The following APAF1 variants were observed in gnomAD, a reference collection of about 807,000 sequenced individuals.
APAF1 encodes apoptotic peptidase activating factor 1.
In APAF1, 91 loss-of-function variants were observed where a neutral mutation model predicts 152.4. That is an observed-to-expected ratio of 0.60 (90% confidence interval 0.50 to 0.71). APAF1 has a LOEUF of 0.71. Ranked by LOEUF, APAF1 falls within the 30% of genes least tolerant of loss-of-function variation. The pLI is 0.00. For missense variants in APAF1, 1,283 were observed against 1,472.0 expected, an observed-to-expected ratio of 0.87 and a Z score of 2.10; for synonymous variants, 484 against 494.1, an observed-to-expected ratio of 0.98 and a Z score of 0.27.
At chr12:98,677,133 TTAAC>T (rs113090746) in intron 12 of APAF1, among the ~76,000 whole-genome samples, 1 of 152,352 alleles carries the variant, frequency 6.6e-6, no homozygotes, top group African/African-American at 2.4e-5. Context: ...GACATGTTGA[TTAAC>T]TAGATTTGAT....
intron 26 of APAF1, among the ~76,000 whole-genome samples, chr12:98,729,609 T>G (rs1016228752): frequency 2.6e-5 from 4 of 152,238 alleles, no homozygotes; most frequent in Non-Finnish European, 5.9e-5. Flanking sequence ...GCTGATCACT[T>G]GGACATTCTG....
Position 98,727,158 on chromosome 12 carries a change from A to G in APAF1, c.3457-15A>G, listed in dbSNP as rs768015266. 4.3e-6 allele frequency: 7 copies of G among 1,613,640 alleles called. No homozygotes were observed. Among genetic ancestry groups the G allele is most frequent in the Non-Finnish European group, 5.1e-6 (6 of 1,179,640 alleles). The stretch of plus-strand genomic sequence containing the variant: ...GGATAACTCTGTTAATGAATTGTGT[A>G]TCATGTTTATGTAGATATGGAATGT... On this transcript the variant is annotated splice_polypyrimidine_tract_variant and intron_variant, in intron 25 of 26. Transcript: ENST00000551964.
At chr12:98,689,749 C>T (rs1192043300) in intron 16 of APAF1, among the ~76,000 whole-genome samples, 1 of 152,146 alleles carries the variant, frequency 6.6e-6, no homozygotes, top group Non-Finnish European at 1.5e-5. Flanking sequence ...TGAGCCACCA[C>T]ACCTGGACTG....
intron 14 of APAF1, among the ~76,000 whole-genome samples, chr12:98,681,491 A>G (rs2097692180): frequency 6.6e-6 from 1 of 152,204 alleles, no homozygotes; most frequent in African/African-American, 2.4e-5. Context: ...TATATGGAAG[A>G]CAGACCTTAC....
chr12:98,715,624 A>T, intron 22 of APAF1, 72 bp downstream of exon 22: 2 of 1,552,148 alleles, frequency 1.3e-6, no homozygotes, highest in Non-Finnish European at 1.8e-6. Context: ...TTATGCCTAA[A>T]ATCTGGTGTA....
intron 18 of APAF1, among the ~76,000 whole-genome samples, chr12:98,705,439 C>T (rs1245518612): frequency 6.6e-6 from 1 of 152,196 alleles, no homozygotes; most frequent in East Asian, 1.9e-4. Context: ...CCAGCTTGGA[C>T]TCTTAGAGAT....
At chr12:98,647,113 A>G (rs770027864) in intron 1 of APAF1, among the ~76,000 whole-genome samples, 5 of 151,794 alleles carry the variant, frequency 3.3e-5, no homozygotes, top group African/African-American at 4.8e-5. Context: ...AATGTGTGCT[A>G]AAAAAAATTG....
At chr12:98,658,809 T>C (rs780565840) in intron 4 of APAF1, among the ~76,000 whole-genome samples, 3 of 152,176 alleles carry the variant, frequency 2.0e-5, no homozygotes, top group Non-Finnish European at 2.9e-5. Context: ...GACAGTCCCT[T>C]ACAACAAAGA....
chr12:98,648,194 T>G, intron 1 of APAF1, 125 bp from the exon 2 acceptor site: 2 of 838,986 alleles, frequency 2.4e-6, no homozygotes, highest in Non-Finnish European at 1.9e-6. Flanking sequence ...TTTTGTCCAT[T>G]TAAAAATTTT....
intron 8 of APAF1, 150 bp downstream of exon 8, chr12:98,665,941 A>T: frequency 1.3e-6 from 1 of 781,058 alleles, no homozygotes; most frequent in Admixed American, 2.2e-5. Flanking sequence ...CTCTGCTGTT[A>T]GCTTCCATTA....
chr12:98,660,457 G>T (rs2097663642), intron 5 of APAF1, among the ~76,000 whole-genome samples: 2 of 152,186 alleles, frequency 1.3e-5, no homozygotes. Flanking sequence ...TCAGGAGTGA[G>T]TTTGTTTTGT....
intron 22 of APAF1, among the ~76,000 whole-genome samples, chr12:98,718,487 C>T (rs1236852191): frequency 6.6e-6 from 1 of 152,094 alleles, no homozygotes; most frequent in Non-Finnish European, 1.5e-5. Context: ...TCACCTTGGC[C>T]TCCCAAAGTG....
intron 1 of APAF1, among the ~76,000 whole-genome samples, chr12:98,646,049 C>T (rs1419430648): frequency 6.6e-6 from 1 of 152,312 alleles, no homozygotes; most frequent in East Asian, 1.9e-4. Context: ...AGAGTTTTGG[C>T]TTTCCATTTT....
At chr12:98,660,247 A>G (rs974264396) in intron 5 of APAF1, among the ~76,000 whole-genome samples, 2 of 152,020 alleles carry the variant, frequency 1.3e-5, no homozygotes, top group Non-Finnish European at 2.9e-5. Flanking sequence ...TCAGGAGGCT[A>G]AGGTGGGAGG....
rs757675000 is a variant in APAF1 at position 98,683,228 on chromosome 12, G to A, written c.2132G>A (p.Ser711Asn). 1 of 1,613,956 alleles carries A rather than the reference G, an allele frequency of 6.2e-7. No homozygotes were observed. The highest frequency in any genetic ancestry group is 1.7e-5 in the Admixed American group (1 of 60,018). Residue 711 changes from serine (S) to asparagine (N), a missense_variant, in exon 15 of 27, where the codon AGT becomes AAT. Transcript: ENST00000551964. Reference sequence around the variant, plus strand: ...AATTGCTGCCATTTCACCAACAGTAGTCATCATCTTCTCTTAGCCACTGGG... The same window carrying A: ...AATTGCTGCCATTTCACCAACAGTAATCATCATCTTCTCTTAGCCACTGGG... ...QVNCCHFTNS[S>N]HHLLLATGSS...
At chr12:98,685,357 G>A (rs1231862968) in intron 15 of APAF1, among the ~76,000 whole-genome samples, 2 of 142,666 alleles carry the variant, frequency 1.4e-5, no homozygotes, top group Non-Finnish European at 3.0e-5. Context: ...TTTTTTTTGA[G>A]ATGGCATCTT....
chr12:98,668,409 T>C (rs1212188447), intron 10 of APAF1, among the ~76,000 whole-genome samples: 1 of 152,224 alleles, frequency 6.6e-6, no homozygotes, highest in South Asian at 2.1e-4. Context: ...AATAAATATT[T>C]ATTGAGTGCT....
intron 13 of APAF1, among the ~76,000 whole-genome samples, chr12:98,678,593 C>T (rs963807119): frequency 5.9e-5 from 9 of 152,260 alleles, no homozygotes; most frequent in African/African-American, 2.2e-4. Context: ...AGGACCCCTT[C>T]CCCCTGGTGC....
rs762101149 is a variant in APAF1, at chr12:98,732,412, C to G, written c.3601-8C>G. On this transcript the variant is annotated splice_polypyrimidine_tract_variant and splice_region_variant and intron_variant, in intron 26 of 26. Transcript: ENST00000551964. Reference sequence around the variant, plus strand: ...AATCTAATGAGAATTTTATTTTTCTCTGAACAGTGGTGGAACGTTGTCACT... The same window carrying G: ...AATCTAATGAGAATTTTATTTTTCTGTGAACAGTGGTGGAACGTTGTCACT... The G allele has an allele frequency of 1.2e-6, 2 of 1,612,320 alleles. No individual in the cohort carries two copies. The highest frequency in any genetic ancestry group is 3.3e-5 in the Admixed American group (2 of 59,990).
Sources: gnomAD v4.1 joint callset for allele counts (sites outside exome capture counted in the v4.1 genomes callset) on GRCh38, gnomAD v4.1.1 for gene constraint, MANE v1.5 for transcripts, NCBI Gene and HGNC (gene_info 2026-07-23, HGNC 2026-07-21) for gene names.